The following ARHGAP20 variants were observed in gnomAD, a reference collection of about 807,000 sequenced individuals.
ARHGAP20 encodes the protein rho GTPase-activating protein 20.
Under a neutral mutation model 73.7 loss-of-function variants are expected in ARHGAP20, and 34 were observed. The ratio of observed to expected loss-of-function variants is 0.46; its 90% CI spans 0.35 to 0.61. The LOEUF is 0.61. Among genes scored for constraint, ARHGAP20 ranks in the 20% least tolerant of loss-of-function variants. The probability of loss-of-function intolerance (pLI) is 0.00; values close to 1 mark genes in which losing one functional copy is unlikely to be tolerated. For missense variants in ARHGAP20, 1,314 were observed against 1,420.9 expected, an observed-to-expected ratio of 0.92 and a Z score of 1.21; for synonymous variants, 523 against 518.2, an observed-to-expected ratio of 1.01 and a Z score of -0.13.
chr11:110,623,520 T>C (rs1948672739), intron 4 of ARHGAP20, among the ~76,000 whole-genome samples: 1 of 152,198 alleles, frequency 6.6e-6, no homozygotes, highest in Non-Finnish European at 1.5e-5. Flanking sequence ...AAATCATACA[T>C]TTGCTTTTTA....
chr11:110,609,101 T>C (rs908926900), intron 7 of ARHGAP20, 51 bp from the exon 8 acceptor site: 4 of 1,558,060 alleles, frequency 2.6e-6, no homozygotes, highest in Non-Finnish European at 2.6e-6. Context: ...CATTTGATAC[T>C]TGAATGAGGA....
chr11:110,637,986 T>C (rs930361960), intron 2 of ARHGAP20, among the ~76,000 whole-genome samples: 5 of 152,094 alleles, frequency 3.3e-5, no homozygotes, highest in African/African-American at 4.8e-5. Context: ...GGTACAGTCA[T>C]TGGTGTTTCT....
intron 2 of ARHGAP20, among the ~76,000 whole-genome samples, chr11:110,688,697 T>C (rs981073717): frequency 6.6e-6 from 1 of 152,184 alleles, no homozygotes; most frequent in African/African-American, 2.4e-5. Context: ...AAGGATACAC[T>C]GATGCAAACA....
At chr11:110,609,862 C>T (rs1310392869) in intron 7 of ARHGAP20, among the ~76,000 whole-genome samples, 1 of 152,078 alleles carries the variant, frequency 6.6e-6, no homozygotes, top group Non-Finnish European at 1.5e-5. Context: ...CTGTTACTTC[C>T]TCCCTGCCCC....
rs921739991 is a variant in ARHGAP20, at chr11:110,629,157, T to A, written c.353+1471A>T. On this transcript the variant is annotated intron_variant, in intron 3 of 14. Coordinates refer to ENST00000683387, the MANE Select transcript of ARHGAP20 (RefSeq NM_001384657.1). Reference sequence around the variant, plus strand: ...TGGTTATTATAAAAAATTTTTGTTGTCTATTTATCTACCTCCAGGCTGAGG... The same window carrying A: ...TGGTTATTATAAAAAATTTTTGTTGACTATTTATCTACCTCCAGGCTGAGG... Among the ~76,000 whole-genome samples the A allele has an allele frequency of 5.5e-5, 8 of 145,952 alleles. No homozygotes were observed. The Admixed American group carries it at 5.8e-4, about 11-fold the overall frequency.
chr11:110,623,533 G>C (rs1445760353), intron 4 of ARHGAP20, among the ~76,000 whole-genome samples: 1 of 152,114 alleles, frequency 6.6e-6, no homozygotes, highest in African/African-American at 2.4e-5. Context: ...GCTTTTTATT[G>C]TCACATCTCT....
intron 9 of ARHGAP20, among the ~76,000 whole-genome samples, chr11:110,598,505 C>G (rs538581287): frequency 6.6e-6 from 1 of 152,212 alleles, no homozygotes; most frequent in South Asian, 2.1e-4. Flanking sequence ...TAGACTAAGC[C>G]CTGGGATGAG....
intron 9 of ARHGAP20, among the ~76,000 whole-genome samples, chr11:110,605,652 CTA>C (rs1197980050): frequency 6.6e-6 from 1 of 152,176 alleles, no homozygotes; most frequent in African/African-American, 2.4e-5. Flanking sequence ...TTCATTAATG[CTA>C]TGTCAGTTGA....
intron 12 of ARHGAP20, among the ~76,000 whole-genome samples, chr11:110,584,367 A>T (rs1947560582): frequency 8.8e-6 from 1 of 113,594 alleles, no homozygotes; most frequent in Admixed American, 1.0e-4. Flanking sequence ...TCAGTCAGCA[A>T]AAATGACTAC....
chr11:110,582,480 G>GTTTATAAATCACATTTCA (rs1565419637), intron 13 of ARHGAP20, 45 bp from the exon 14 acceptor site: 1 of 1,256,850 alleles, frequency 8.0e-7, no homozygotes, highest in East Asian at 2.3e-5. Context: ...CATATTACAT[G>GTTTATAAATCACATTTCA]TTTATAAATC....
intron 2 of ARHGAP20, among the ~76,000 whole-genome samples, chr11:110,648,174 T>TATATATATATA (rs1949243883): frequency 1.9e-5 from 1 of 53,770 alleles, no homozygotes; most frequent in Admixed American, 2.7e-4. Context: ...TATATGTAAA[T>TATATATATATA]ATATATATAT....
intron 6 of ARHGAP20, 72 bp from the exon 7 acceptor site, chr11:110,611,458 C>G (rs956317912): frequency 2.0e-5 from 15 of 754,422 alleles, no homozygotes; most frequent in Non-Finnish European, 3.0e-5. Context: ...TAATCATTGT[C>G]AAATGATTAT....
At chr11:110,668,644 G>A (rs965959258) in intron 2 of ARHGAP20, among the ~76,000 whole-genome samples, 1 of 151,704 alleles carries the variant, frequency 6.6e-6, no homozygotes, top group Non-Finnish European at 1.5e-5. Context: ...CCAAGACCCT[G>A]TCTCCAAAAA....
intron 3 of ARHGAP20, among the ~76,000 whole-genome samples, chr11:110,627,748 T>C (rs1948776457): frequency 1.3e-5 from 2 of 152,208 alleles, no homozygotes; most frequent in African/African-American, 2.4e-5. Flanking sequence ...CATTTCTCCT[T>C]TCTGTAAATT....
intron 2 of ARHGAP20, among the ~76,000 whole-genome samples, chr11:110,673,418 A>T (rs1265955998): frequency 1.3e-5 from 2 of 152,210 alleles, no homozygotes; most frequent in Non-Finnish European, 1.5e-5. Flanking sequence ...TCATAAAAAA[A>T]TTTTAAAATC....
At chr11:110,664,321 G>A (rs1280931472) in intron 2 of ARHGAP20, among the ~76,000 whole-genome samples, 1 of 152,182 alleles carries the variant, frequency 6.6e-6, no homozygotes, top group Non-Finnish European at 1.5e-5. Context: ...GCTAACAAGT[G>A]AGTTTAGGAA....
chr11:110,671,524 TCAAA>T (rs574055984), intron 2 of ARHGAP20, among the ~76,000 whole-genome samples: 284 of 152,134 alleles, frequency 1.9e-3, no homozygotes, highest in Non-Finnish European at 3.3e-3. Flanking sequence ...GAAATAAAAA[TCAAA>T]CAAATTAGAG....
intron 9 of ARHGAP20, among the ~76,000 whole-genome samples, chr11:110,592,779 T>G (rs911245730): frequency 1.3e-5 from 2 of 152,218 alleles, no homozygotes; most frequent in African/African-American, 2.4e-5. Context: ...TACTCTCCTC[T>G]TGAGAACACA....
At chr11:110,620,617 T>C (rs1045289774) in intron 4 of ARHGAP20, among the ~76,000 whole-genome samples, 1 of 152,244 alleles carries the variant, frequency 6.6e-6, no homozygotes, top group Non-Finnish European at 1.5e-5. Context: ...TTCACTTCAG[T>C]GTGAAAAACT....
Sources: gnomAD v4.1 joint callset for allele counts (sites outside exome capture counted in the v4.1 genomes callset) on GRCh38, gnomAD v4.1.1 for gene constraint, MANE v1.5 for transcripts, NCBI Gene and HGNC (gene_info 2026-07-23, HGNC 2026-07-21) for gene names.